CDH23: variants seen among roughly 807,000 people sequenced by gnomAD.
The protein encoded by CDH23 is cadherin related 23, also known as cadherin-23.
CDH23 carries 189 observed loss-of-function variants against 317.1 expected under a neutral mutation model. The observed-to-expected ratio is 0.60, with a 90% CI of 0.53 to 0.67. The LOEUF (loss-of-function observed/expected upper bound fraction) is 0.67. Among genes scored for constraint, CDH23 ranks in the 30% least tolerant of loss-of-function variants. The pLI is 0.00. For missense variants in CDH23, 4,401 were observed against 4,592.4 expected, an observed-to-expected ratio of 0.96 and a Z score of 1.20; for synonymous variants, 1,839 against 1,876.8, an observed-to-expected ratio of 0.98 and a Z score of 0.52.
intron 3 of CDH23, among the ~76,000 whole-genome samples, chr10:71,501,881 A>G (rs547093190): frequency 6.6e-6 from 1 of 152,294 alleles, no homozygotes; most frequent in East Asian, 1.9e-4. Context: ...GGGGGTGTGC[A>G]GCAGGCTTGA....
chr10:71,796,763 C>T, intron 48 of CDH23: 1 of 256,536 alleles, frequency 3.9e-6, no homozygotes, highest in Non-Finnish European at 7.8e-6. Context: ...AATGGAAACT[C>T]ATTTTGTTTT....
intron 3 of CDH23, among the ~76,000 whole-genome samples, chr10:71,491,826 T>C (rs947944089): frequency 1.3e-5 from 2 of 152,142 alleles, no homozygotes; most frequent in African/African-American, 4.8e-5. Flanking sequence ...CTTTGAGCAA[T>C]TGGAGGGCAC....
At position 71,684,549 on chromosome 10, in the gene CDH23, G is replaced by A. The variant is rs376924258; in HGVS notation, c.1986+1977G>A. Among the ~76,000 whole-genome samples, 15 of 152,326 alleles carry A rather than the reference G, an allele frequency of 9.8e-5. No individual in the cohort carries two copies. The South Asian group carries it at 2.1e-3, about 21-fold the overall frequency. Reference sequence around the variant, plus strand: ...GCTGCCCTCTTGCTGTGTGACCTGGGTCTCTGAAACAACTTCCTCATCTGC... The same window carrying A: ...GCTGCCCTCTTGCTGTGTGACCTGGATCTCTGAAACAACTTCCTCATCTGC... On this transcript the variant is annotated intron_variant, in intron 18 of 69. Coordinates refer to ENST00000224721, the MANE Select transcript of CDH23 (RefSeq NM_022124.6).
At chr10:71,524,525 C>T (rs948210913) in intron 6 of CDH23, among the ~76,000 whole-genome samples, 5 of 152,138 alleles carry the variant, frequency 3.3e-5, no homozygotes, top group Admixed American at 1.3e-4. Flanking sequence ...GAGGAAATCG[C>T]GTCATCTAAT....
chr10:71,417,274 A>G (rs1263864982), intron 1 of CDH23, among the ~76,000 whole-genome samples: 3 of 151,886 alleles, frequency 2.0e-5, no homozygotes, highest in Non-Finnish European at 2.9e-5. Context: ...ACAGGGTTTC[A>G]CCATGTTGGC....
chr10:71,721,716 C>T (rs978273380), intron 28 of CDH23, among the ~76,000 whole-genome samples: 6 of 152,224 alleles, frequency 3.9e-5, no homozygotes, highest in African/African-American at 1.4e-4. Context: ...CTGCTACAGG[C>T]TCCTCGCTCT....
chr10:71,419,819 G>A (rs1386020263), intron 1 of CDH23, among the ~76,000 whole-genome samples: 1 of 152,158 alleles, frequency 6.6e-6, no homozygotes, highest in African/African-American at 2.4e-5. Flanking sequence ...TCAAAAGTGG[G>A]GACCTGAAAC....
intron 27 of CDH23, among the ~76,000 whole-genome samples, chr10:71,711,157 C>T (rs1209684042): frequency 6.6e-6 from 1 of 152,102 alleles, no homozygotes; most frequent in East Asian, 1.9e-4. Flanking sequence ...CCTCTGGAGA[C>T]TTGTTATCAC....
intron 3 of CDH23, among the ~76,000 whole-genome samples, chr10:71,461,917 G>GTCTGGGAAAC (rs61205659): frequency 0.4 from 60,951 of 151,788 alleles, 13,279 homozygotes; most frequent in East Asian, 0.6. Flanking sequence ...CTGTGGCTGG[G>GTCTGGGAAAC]CCACTTAGGA....
intron 28 of CDH23, among the ~76,000 whole-genome samples, chr10:71,722,584 G>A (rs570018762): frequency 4.6e-5 from 7 of 152,344 alleles, no homozygotes; most frequent in Admixed American, 3.3e-4. Context: ...CTTTCTTCCT[G>A]TGGGGATATG....
intron 30 of CDH23, among the ~76,000 whole-genome samples, chr10:71,727,854 A>G (rs1483321354): frequency 6.6e-6 from 1 of 152,208 alleles, no homozygotes; most frequent in East Asian, 1.9e-4. Context: ...GCTCAGCAAG[A>G]ACCTGACAGA....
intron 6 of CDH23, among the ~76,000 whole-genome samples, chr10:71,560,844 C>T (rs1857093323): frequency 6.6e-6 from 1 of 151,944 alleles, no homozygotes; most frequent in African/African-American, 2.4e-5. Context: ...CATTTTATAA[C>T]AGGCTCTGTA....
At chr10:71,433,566 G>A (rs768847518) in intron 1 of CDH23, among the ~76,000 whole-genome samples, 8 of 152,084 alleles carry the variant, frequency 5.3e-5, no homozygotes, top group Middle Eastern at 3.4e-3. Context: ...CTGGACCTTG[G>A]CTGAGCATGT....
intron 9 of CDH23, among the ~76,000 whole-genome samples, chr10:71,594,303 CT>C (rs1859693448): frequency 6.6e-6 from 1 of 151,510 alleles, no homozygotes; most frequent in Admixed American, 6.6e-5. Context: ...TGTTTTCTTT[CT>C]TCCTTTCTTT....
intron 17 of CDH23, among the ~76,000 whole-genome samples, chr10:71,681,152 G>A (rs1029622869): frequency 6.6e-6 from 1 of 151,970 alleles, no homozygotes; most frequent in Non-Finnish European, 1.5e-5. Context: ...AAACTTAAAA[G>A]TTCCATGCTT....
intron 28 of CDH23, among the ~76,000 whole-genome samples, chr10:71,722,814 G>T (rs529325668): frequency 1.1e-4 from 16 of 152,222 alleles, no homozygotes; most frequent in Non-Finnish European, 1.6e-4. Flanking sequence ...GCCAGCACAC[G>T]CTTGGTGTTC....
At chr10:71,530,692 C>T (rs1163915696) in intron 6 of CDH23, among the ~76,000 whole-genome samples, 1 of 152,224 alleles carries the variant, frequency 6.6e-6, no homozygotes, top group Non-Finnish European at 1.5e-5. Context: ...CCTTCGTGAC[C>T]ATCAGAAGAG....
intron 1 of CDH23, among the ~76,000 whole-genome samples, chr10:71,414,418 A>G (rs1050135344): frequency 3.3e-5 from 5 of 152,188 alleles, no homozygotes; most frequent in African/African-American, 7.2e-5. Flanking sequence ...TGAAATGATC[A>G]TATAATTTTC....
intron 38 of CDH23, chr10:71,760,729 G>A: frequency 1.3e-6 from 1 of 760,874 alleles, no homozygotes; most frequent in Non-Finnish European, 2.3e-6. Flanking sequence ...GAAGGGATGT[G>A]CAGCAGCAGA....
Sources: allele counts gnomAD v4.1 joint callset (sites outside exome capture counted in the v4.1 genomes callset), GRCh38; gene constraint gnomAD v4.1.1; transcripts MANE v1.5; gene names NCBI Gene and HGNC (gene_info 2026-07-23, HGNC 2026-07-21).